Variants in RGS7 observed in about 807,000 individuals in gnomAD.
The protein encoded by RGS7 is regulator of G protein signaling 7.
Under a neutral mutation model 81.1 loss-of-function variants are expected in RGS7, and 27 were observed. The observed-to-expected ratio is 0.33, with a 90% CI of 0.25 to 0.46. The LOEUF (loss-of-function observed/expected upper bound fraction) is 0.46, where lower values mean the gene tolerates loss of function less well. Ranked by LOEUF, RGS7 falls within the 20% of genes least tolerant of loss-of-function variation. RGS7 has a pLI of 1.00. For missense variants in RGS7, 396 were observed against 607.4 expected, an observed-to-expected ratio of 0.65 and a Z score of 3.66; for synonymous variants, 208 against 207.7, an observed-to-expected ratio of 1.00 and a Z score of -0.01.
At position 240,817,644 on chromosome 1, in the gene RGS7, T is replaced by C. The variant is rs572609346; in HGVS notation, c.685-1229A>G. 2.6e-5 allele frequency among the ~76,000 whole-genome samples: 4 copies of C among 152,168 alleles called. No individual in the cohort carries two copies. In the South Asian group the frequency reaches 8.3e-4, roughly 32 times the overall value. ...TTGAGACAGAGTCTCATTCTGTCATTCAGGCTGGAGTGCAGTGGCGTAATC... is the reference window on the plus strand; with the variant it reads ...TTGAGACAGAGTCTCATTCTGTCATCCAGGCTGGAGTGCAGTGGCGTAATC... On this transcript the variant is annotated intron_variant, in intron 10 of 18. Transcript: ENST00000440928.
At position 240,834,110 on chromosome 1, in the gene RGS7, A is replaced by G. The variant is rs369802154; in HGVS notation, c.610-6938T>C. On this transcript the variant is annotated intron_variant, in intron 9 of 18. Coordinates refer to ENST00000440928, the MANE Select transcript of RGS7 (RefSeq NM_001364886.1). ...CCAGGATTCTTTTTTTAAAGATCCA[A>G]TTCAAGCTTTTCTTCATTTTCTTAG... Among the ~76,000 whole-genome samples, 65 of 152,292 alleles carry G rather than the reference A, an allele frequency of 4.3e-4. 2 individuals are homozygous for G. In the South Asian group the frequency reaches 0.011, roughly 26 times the overall value.
intron 3 of RGS7, among the ~76,000 whole-genome samples, chr1:241,081,282 A>T (rs1187838194): frequency 6.6e-6 from 1 of 152,188 alleles, no homozygotes; most frequent in Non-Finnish European, 1.5e-5. Context: ...ACTTTTTAGT[A>T]CAGTCTGACA....
chr1:241,099,479 G>T (rs1328526723), intron 2 of RGS7, among the ~76,000 whole-genome samples: 1 of 151,968 alleles, frequency 6.6e-6, no homozygotes, highest in African/African-American at 2.4e-5. Context: ...TAACACCACA[G>T]CCTTCTGTCC....
In RGS7 at chr1:241,193,779, T is replaced by G. The variant is rs2072868103; in HGVS notation, c.79-95017A>C. On this transcript the variant is annotated intron_variant, in intron 2 of 18. Transcript: ENST00000440928. ...AAAGTCAGAGGAAAGAATGTGACTT[T>G]CAGGTGAGATCAGCAAAGAAGGATT... 2.6e-5 allele frequency among the ~76,000 whole-genome samples: 4 copies of G among 152,194 alleles called. No individual in the cohort carries two copies. In the South Asian group the frequency reaches 8.3e-4, roughly 32 times the overall value.
At chr1:241,062,721 T>G (rs2061809490) in intron 3 of RGS7, among the ~76,000 whole-genome samples, 1 of 152,204 alleles carries the variant, frequency 6.6e-6, no homozygotes, top group African/African-American at 2.4e-5. Flanking sequence ...AATACTAAAG[T>G]GTGCTCCTTA....
intron 4 of RGS7, among the ~76,000 whole-genome samples, chr1:240,962,280 A>C (rs1681585301): frequency 6.6e-6 from 1 of 152,078 alleles, no homozygotes; most frequent in Non-Finnish European, 1.5e-5. Context: ...GGCTGCTGTC[A>C]CGCTCTGTCT....
chr1:241,131,005 CA>C (rs2067051153), intron 2 of RGS7, among the ~76,000 whole-genome samples: 1 of 150,518 alleles, frequency 6.6e-6, no homozygotes, highest in African/African-American at 2.5e-5. Context: ...ATGATGGCAG[CA>C]ATTTAGAAAG....
intron 6 of RGS7, among the ~76,000 whole-genome samples, chr1:240,881,001 A>G (rs926215957): frequency 1.5e-4 from 23 of 152,104 alleles, no homozygotes; most frequent in Non-Finnish European, 3.1e-4. Context: ...CAACCCCAAG[A>G]CTCAAATATA....
chr1:241,293,476 T>C, intron 2 of RGS7, among the ~76,000 whole-genome samples: 1 of 152,162 alleles, frequency 6.6e-6, no homozygotes, highest in East Asian at 1.9e-4. Context: ...CCATGCCTAT[T>C]ACTGCCTCTG....
At chr1:241,332,540 G>A (rs1421989057) in intron 2 of RGS7, among the ~76,000 whole-genome samples, 1 of 152,152 alleles carries the variant, frequency 6.6e-6, no homozygotes, top group Non-Finnish European at 1.5e-5. Flanking sequence ...AGAAAATTCT[G>A]GCATGCGGGA....
intron 9 of RGS7, among the ~76,000 whole-genome samples, chr1:240,866,209 C>T (rs1215804898): frequency 6.6e-6 from 1 of 152,146 alleles, no homozygotes; most frequent in East Asian, 1.9e-4. Flanking sequence ...CTCTATTTTC[C>T]TCTAGAAAAT....
chr1:241,155,352 C>A (rs1244126453), intron 2 of RGS7, among the ~76,000 whole-genome samples: 1 of 152,034 alleles, frequency 6.6e-6, no homozygotes, highest in African/African-American at 2.4e-5. Context: ...CCCTCCTCTG[C>A]CTCCCAAAGT....
At chr1:240,813,594 C>G (rs564919688) in intron 13 of RGS7, 24 bp downstream of exon 13, 2 of 1,382,454 alleles carry the variant, frequency 1.4e-6, no homozygotes, top group African/African-American at 2.9e-5. Flanking sequence ...AACATATGGG[C>G]GAGAAAGATA....
chr1:241,033,889 C>T (rs1553395300), intron 3 of RGS7, among the ~76,000 whole-genome samples: 1 of 151,342 alleles, frequency 6.6e-6, no homozygotes, highest in East Asian at 1.9e-4. Context: ...AGATAAGAAA[C>T]TTAAAAAAAA....
chr1:240,776,070 C>G lies in RGS7; in HGVS notation c.*150G>C. The G allele has an allele frequency of 1.0e-6, 1 of 967,428 alleles. No homozygotes were observed. The highest frequency in any genetic ancestry group is 1.7e-6 in the Non-Finnish European group (1 of 590,132). The allele number at this position is 967,428 out of a possible 1,614,324, so 59.9% of individuals were successfully genotyped here. On this transcript the variant is annotated 3_prime_UTR_variant, in exon 19 of 19. Coordinates refer to ENST00000440928, the MANE Select transcript of RGS7 (RefSeq NM_001364886.1). The stretch of plus-strand genomic sequence containing the variant: ...TTTAGGTCCTTTGCTCATGCAACAT[C>G]TTGTTCTAATGTCCTCTGCTCCAGG...
At chr1:240,916,109 CAAAAAAAAAAAA>C (rs60839025) in intron 6 of RGS7, among the ~76,000 whole-genome samples, 2 of 70,944 alleles carry the variant, frequency 2.8e-5, no homozygotes, top group Admixed American at 3.3e-4. Flanking sequence ...CTAAAAATAC[CAAAAAAAAAAAA>C]AAAAAAAAAA....
At chr1:241,118,084 G>A (rs1479227014) in intron 2 of RGS7, among the ~76,000 whole-genome samples, 1 of 152,112 alleles carries the variant, frequency 6.6e-6, no homozygotes, top group African/African-American at 2.4e-5. Flanking sequence ...TGGTAGTGAA[G>A]CCTACTATTT....
At position 241,007,407 on chromosome 1, in the gene RGS7, G is replaced by A. The variant is rs375313817; in HGVS notation, c.176-24278C>T. The stretch of plus-strand genomic sequence containing the variant: ...AAATATATGTTCATCAACTATTTAT[G>A]TTATTAGTAAAGCTTTTGGTCAACA... On this transcript the variant is annotated intron_variant, in intron 3 of 18. Transcript: ENST00000440928. 7.3e-4 allele frequency among the ~76,000 whole-genome samples: 111 copies of A among 152,198 alleles called. 4 individuals carry two copies. The highest frequency in any genetic ancestry group is 2.3e-3 in the African/African-American group (96 of 41,506).
intron 6 of RGS7, among the ~76,000 whole-genome samples, chr1:240,895,936 C>T (rs937655906): frequency 6.6e-6 from 1 of 152,192 alleles, no homozygotes; most frequent in African/African-American, 2.4e-5. Flanking sequence ...TCTCCACATC[C>T]TCTCCAGCAA....
Sources: allele counts gnomAD v4.1 joint callset (sites outside exome capture counted in the v4.1 genomes callset), GRCh38; gene constraint gnomAD v4.1.1; transcripts MANE v1.5; gene names NCBI Gene and HGNC (gene_info 2026-07-23, HGNC 2026-07-21).